The following RHOJ variants were observed in gnomAD, a reference collection of about 807,000 sequenced individuals.
RHOJ encodes ras homolog family member J, also known as rho-related GTP-binding protein RhoJ.
RHOJ carries 11 observed loss-of-function variants against 23.4 expected under a neutral mutation model. The ratio of observed to expected loss-of-function variants is 0.47; its 90% CI spans 0.30 to 0.78. The LOEUF (loss-of-function observed/expected upper bound fraction) is 0.78. RHOJ is among the 30% of genes least tolerant of loss of function. The pLI is 0.08. For synonymous variants in RHOJ, 102 were observed against 102.7 expected (o/e 0.99, Z 0.04); for missense variants, 254 against 273.4 (o/e 0.93, Z 0.50).
chr14:63,204,677 G>T lies in RHOJ; in HGVS notation c.-193G>T, dbSNP rs542802065. 936 of 610,806 alleles carry T rather than the reference G, an allele frequency of 1.5e-3. 3 individuals are homozygous for T. The highest frequency in any genetic ancestry group is 2.4e-3 in the Non-Finnish European group (834 of 345,198). 37.8% of individuals were successfully genotyped at this position (610,806 alleles called of 1,614,324 possible). On this transcript the variant is annotated 5_prime_UTR_variant, in exon 1 of 5. Transcript: ENST00000316754. ...CCCTTTTCATAACTCCCTCAAGTGT[G>T]TGTTACCTTTCTTTACCAGCATGGT... is the stretch of plus-strand genomic sequence containing the variant.
In RHOJ at chr14:63,287,431, T is replaced by C. The variant is rs1327990015; in HGVS notation, c.499-3447T>C. 5.3e-5 allele frequency among the ~76,000 whole-genome samples: 8 copies of C among 152,184 alleles called. No individual in the cohort carries two copies. The East Asian group carries it at 9.6e-4, about 18-fold the overall frequency. On this transcript the variant is annotated intron_variant, in intron 4 of 4. Coordinates refer to ENST00000316754, the MANE Select transcript of RHOJ (RefSeq NM_020663.5). ...CCACAAGGTCCAGCTCAGCAAACTA[T>C]AGTTGCTGTTAAATCCATGAGCCCT...
chr14:63,268,526 G>A (rs1215743836), intron 1 of RHOJ, among the ~76,000 whole-genome samples: 1 of 152,170 alleles, frequency 6.6e-6, no homozygotes, highest in African/African-American at 2.4e-5. Context: ...TTGTGCAAAA[G>A]CACAGGAATA....
At chr14:63,289,428 G>A (rs1882180388) in intron 4 of RHOJ, among the ~76,000 whole-genome samples, 1 of 152,164 alleles carries the variant, frequency 6.6e-6, no homozygotes, top group African/African-American at 2.4e-5. Flanking sequence ...TTGCTACCTT[G>A]TTTTAGCCAT....
chr14:63,210,415 T>C (rs1485114881), intron 1 of RHOJ, among the ~76,000 whole-genome samples: 3 of 152,212 alleles, frequency 2.0e-5, no homozygotes, highest in Non-Finnish European at 4.4e-5. Context: ...CTAGTTCTAA[T>C]ATACAGAGCA....
chr14:63,227,314 T>G (rs958757007), intron 1 of RHOJ, among the ~76,000 whole-genome samples: 6 of 152,192 alleles, frequency 3.9e-5, no homozygotes, highest in African/African-American at 1.4e-4. Flanking sequence ...TAAACTGTTT[T>G]GAATATGCAA....
intron 1 of RHOJ, among the ~76,000 whole-genome samples, chr14:63,222,544 G>A (rs1350856578): frequency 6.6e-6 from 1 of 152,166 alleles, no homozygotes; most frequent in Non-Finnish European, 1.5e-5. Context: ...GTATCTCATT[G>A]TGGTTGTGAT....
At chr14:63,240,187 C>T (rs1209064626) in intron 1 of RHOJ, among the ~76,000 whole-genome samples, 1 of 152,050 alleles carries the variant, frequency 6.6e-6, no homozygotes, top group African/African-American at 2.4e-5. Flanking sequence ...CGTGGTGAAA[C>T]AAAAATATTA....
intron 1 of RHOJ, 84 bp from the exon 2 acceptor site, chr14:63,269,026 C>T: frequency 1.1e-6 from 1 of 925,098 alleles, no homozygotes; most frequent in Non-Finnish European, 1.8e-6. Flanking sequence ...CAAGGAGATG[C>T]TGGCATGGAA....
At chr14:63,226,486 G>A (rs1894596062) in intron 1 of RHOJ, among the ~76,000 whole-genome samples, 1 of 151,026 alleles carries the variant, frequency 6.6e-6, no homozygotes, top group South Asian at 2.1e-4. Context: ...TGAAAAGTAA[G>A]CCAGATGTAA....
intron 1 of RHOJ, among the ~76,000 whole-genome samples, chr14:63,245,293 T>C (rs1386884872): frequency 2.0e-5 from 3 of 151,314 alleles, no homozygotes; most frequent in African/African-American, 7.3e-5. Flanking sequence ...TCTTGCTTCA[T>C]TAAAAAAAAA....
intron 1 of RHOJ, among the ~76,000 whole-genome samples, chr14:63,254,640 A>T (rs1179122246): frequency 6.6e-6 from 1 of 152,112 alleles, no homozygotes; most frequent in Non-Finnish European, 1.5e-5. Context: ...CAAGGAGAAG[A>T]GAGAAGCGGG....
At chr14:63,235,943 G>C (rs1352456149) in intron 1 of RHOJ, among the ~76,000 whole-genome samples, 1 of 151,986 alleles carries the variant, frequency 6.6e-6, no homozygotes, top group Non-Finnish European at 1.5e-5. Flanking sequence ...TTTTTTGCTT[G>C]AACAAGTATT....
chr14:63,265,686 A>G (rs752529075), intron 1 of RHOJ, among the ~76,000 whole-genome samples: 1 of 152,248 alleles, frequency 6.6e-6, no homozygotes, highest in African/African-American at 2.4e-5. Flanking sequence ...CATGTCCCCA[A>G]GATGGTTGGT....
chr14:63,287,706 G>GT (rs140310082), intron 4 of RHOJ, among the ~76,000 whole-genome samples: 2,780 of 151,512 alleles, frequency 0.018, 90 homozygotes, highest in African/African-American at 0.063. Context: ...TAAGAAAAGT[G>GT]TTTTTTCAGT....
chr14:63,212,570 G>A (rs933826218), intron 1 of RHOJ, among the ~76,000 whole-genome samples: 2 of 152,104 alleles, frequency 1.3e-5, no homozygotes, highest in Non-Finnish European at 2.9e-5. Context: ...TGCCCCATGC[G>A]GTGGTGGGAC....
intron 4 of RHOJ, among the ~76,000 whole-genome samples, chr14:63,283,753 G>A (rs961929634): frequency 2.0e-5 from 3 of 152,196 alleles, no homozygotes; most frequent in Non-Finnish European, 1.5e-5. Context: ...AAAGTGACTA[G>A]CTGGGGATCT....
chr14:63,260,411 G>A (rs763313949), intron 1 of RHOJ, among the ~76,000 whole-genome samples: 2 of 152,122 alleles, frequency 1.3e-5, no homozygotes, highest in Non-Finnish European at 2.9e-5. Flanking sequence ...AGCCTAAGAC[G>A]AAAGCTTCTG....
intron 1 of RHOJ, among the ~76,000 whole-genome samples, chr14:63,224,405 G>T (rs1278815924): frequency 6.6e-6 from 1 of 152,046 alleles, no homozygotes; most frequent in African/African-American, 2.4e-5. Flanking sequence ...TCCTTTTATG[G>T]GTAGAAATGC....
intron 1 of RHOJ, among the ~76,000 whole-genome samples, chr14:63,236,343 C>T (rs186258268): frequency 6.6e-6 from 1 of 152,300 alleles, no homozygotes; most frequent in Non-Finnish European, 1.5e-5. Flanking sequence ...CTGATAAAGA[C>T]ATACTTGAGA....
Sources: allele counts gnomAD v4.1 joint callset (sites outside exome capture counted in the v4.1 genomes callset), GRCh38; gene constraint gnomAD v4.1.1; transcripts MANE v1.5; gene names NCBI Gene and HGNC (gene_info 2026-07-23, HGNC 2026-07-21).